Variants in TBC1D4 observed in about 807,000 individuals in gnomAD.
TBC1D4 encodes TBC (Tre-2, BUB2, CDC16) domain-containing protein.
In TBC1D4, 121 loss-of-function variants were observed where a neutral mutation model predicts 142.5. The observed-to-expected ratio is 0.85, with a 90% CI of 0.73 to 0.99. The LOEUF (loss-of-function observed/expected upper bound fraction) is 0.99. TBC1D4 is among the 50% of genes least tolerant of loss of function. The probability of loss-of-function intolerance (pLI) is 0.00; values close to 1 mark genes in which losing one functional copy is unlikely to be tolerated. For synonymous variants in TBC1D4, 630 were observed against 628.2 expected (o/e 1.00, Z -0.04); for missense variants, 1,475 against 1,606.6 (o/e 0.92, Z 1.40).
chr13:75,320,164 C>A, intron 11 of TBC1D4, 127 bp from the exon 12 acceptor site: 3 of 949,584 alleles, frequency 3.2e-6, no homozygotes, highest in South Asian at 1.5e-5. Context: ...TAATGAACCA[C>A]AATGAATAAT....
At chr13:75,477,215 C>T (rs1162842349) in intron 1 of TBC1D4, among the ~76,000 whole-genome samples, 4 of 152,168 alleles carry the variant, frequency 2.6e-5, no homozygotes, top group African/African-American at 9.7e-5. Context: ...GGTATTCTTA[C>T]TAGTATATTC....
intron 16 of TBC1D4, among the ~76,000 whole-genome samples, chr13:75,300,601 C>T (rs887890351): frequency 1.3e-5 from 2 of 152,084 alleles, no homozygotes; most frequent in African/African-American, 2.4e-5. Flanking sequence ...TGAAGAAACA[C>T]AGATGGCTAC....
At chr13:75,298,256 G>A (rs1876158551) in intron 17 of TBC1D4, among the ~76,000 whole-genome samples, 1 of 152,114 alleles carries the variant, frequency 6.6e-6, no homozygotes, top group South Asian at 2.1e-4. Flanking sequence ...TTTAACCACT[G>A]AAAGCTTTAA....
rs1384311209 is a variant in TBC1D4, at chr13:75,326,282, T to C, written c.1948A>G (p.Thr650Ala). 1 of 1,614,126 alleles carries C rather than the reference T, an allele frequency of 6.2e-7. No homozygotes were observed. The highest frequency in any genetic ancestry group is 8.5e-7 in the Non-Finnish European group (1 of 1,180,020). ...TCCTGCAAATTCAGCTTTCTCTTTG[T>C]GCTTGAAGGTGGGTGGCTGAACGTG... ...AHTFSHPPSS[T>A]KRKLNLQDGR... Residue 650 changes from threonine to alanine, a missense_variant, in exon 10 of 21, where the codon ACA becomes GCA. This residue lies in a region of TBC1D4 where 1,227 missense variants were observed against 1,267.7 expected (regional missense o/e 0.97). Coordinates refer to ENST00000377636, the MANE Select transcript of TBC1D4 (RefSeq NM_014832.5).
intron 1 of TBC1D4, among the ~76,000 whole-genome samples, chr13:75,385,840 G>A (rs1884136609): frequency 6.6e-6 from 1 of 152,118 alleles, no homozygotes; most frequent in Admixed American, 6.5e-5. Flanking sequence ...ATAAAATCAT[G>A]TTAACTGGAT....
chr13:75,356,274 A>G, intron 3 of TBC1D4, 23 bp from the exon 4 acceptor site: 1 of 1,488,772 alleles, frequency 6.7e-7, no homozygotes, highest in Non-Finnish European at 9.4e-7. Context: ...GAAGAAGTGC[A>G]ATAAAAATGT....
At chr13:75,309,527 T>G (rs1877526331) in intron 14 of TBC1D4, among the ~76,000 whole-genome samples, 1 of 152,166 alleles carries the variant, frequency 6.6e-6, no homozygotes, top group South Asian at 2.1e-4. Context: ...ATGAATGTAA[T>G]TAACCTGAAA....
chr13:75,363,730 T>G (rs74434766), intron 1 of TBC1D4, among the ~76,000 whole-genome samples: 9,109 of 152,282 alleles, frequency 0.06, 404 homozygotes, highest in African/African-American at 0.12. Context: ...ATCCTCAACC[T>G]TGGCAAAATA....
In TBC1D4 at chr13:75,362,957, C is replaced by T. The variant is rs1882657078; in HGVS notation, c.499-350G>A. 6.6e-6 allele frequency among the ~76,000 whole-genome samples: 1 copy of T among 152,110 alleles called. No individual in the cohort carries two copies. The highest frequency in any genetic ancestry group is 2.4e-5 in the African/African-American group (1 of 41,416). On this transcript the variant is annotated intron_variant, in intron 1 of 20. Coordinates refer to ENST00000377636, the MANE Select transcript of TBC1D4 (RefSeq NM_014832.5). The surrounding 1 kb of genome is among the most constrained non-coding windows in gnomAD (Gnocchi z 4.2). Reference sequence around the variant, plus strand: ...TATTTGTGCCTCAGCTGAAAGGAACCAAAGTTCCAACCATGAGGACAAAAT... The same window carrying T: ...TATTTGTGCCTCAGCTGAAAGGAACTAAAGTTCCAACCATGAGGACAAAAT...
In TBC1D4 at chr13:75,431,401, C is replaced by T. The variant is rs151237995; in HGVS notation, c.498+49869G>A. ...TCCCCTGTTCTAATCCCAATTATGT[C>T]GCTAAAGCTGTCAGGTGACCTTCAG... On this transcript the variant is annotated intron_variant, in intron 1 of 20. Transcript: ENST00000377636. Among the ~76,000 whole-genome samples the T allele has an allele frequency of 4.5e-4, 69 of 152,264 alleles. 1 individual carries two copies. In the Middle Eastern group the frequency reaches 0.014, roughly 30 times the overall value.
At chr13:75,465,200 G>A (rs552033244) in intron 1 of TBC1D4, among the ~76,000 whole-genome samples, 2 of 152,270 alleles carry the variant, frequency 1.3e-5, no homozygotes, top group East Asian at 3.9e-4. Flanking sequence ...TCGGATTCCA[G>A]AGTCCAGGAA....
At chr13:75,314,928 C>T (rs1362363833) in intron 12 of TBC1D4, among the ~76,000 whole-genome samples, 2 of 151,928 alleles carry the variant, frequency 1.3e-5, no homozygotes, top group Admixed American at 6.6e-5. Context: ...TGCAGTGAGC[C>T]GAGAATGCAC....
chr13:75,465,112 T>C (rs1426222842), intron 1 of TBC1D4, among the ~76,000 whole-genome samples: 1 of 152,120 alleles, frequency 6.6e-6, no homozygotes, highest in Non-Finnish European at 1.5e-5. Flanking sequence ...CCCCATATTA[T>C]AAATGAGGAC....
rs528457640 is a variant in TBC1D4 at position 75,382,229 on chromosome 13, T to A, written c.499-19622A>T. On this transcript the variant is annotated intron_variant, in intron 1 of 20. Transcript: ENST00000377636. ...AACATGCAGCCTCTCATTCCTCTTA[T>A]AAAGTTTTTCCCAAAAGGTTTAACC... 4.6e-5 allele frequency among the ~76,000 whole-genome samples: 7 copies of A among 152,354 alleles called. No individual in the cohort carries two copies. The South Asian group carries it at 1.5e-3, about 32-fold the overall frequency.
chr13:75,473,585 A>G (rs574737255), intron 1 of TBC1D4, among the ~76,000 whole-genome samples: 1 of 152,356 alleles, frequency 6.6e-6, no homozygotes, highest in Non-Finnish European at 1.5e-5. Flanking sequence ...TATCCACAAA[A>G]TAAAAACGCT....
chr13:75,458,115 G>T (rs565657905), intron 1 of TBC1D4, among the ~76,000 whole-genome samples: 1 of 152,234 alleles, frequency 6.6e-6, no homozygotes, highest in South Asian at 2.1e-4. Flanking sequence ...CCGGGTCCTT[G>T]TCTGGCATCC....
chr13:75,471,028 T>C (rs1888377610), intron 1 of TBC1D4, among the ~76,000 whole-genome samples: 1 of 151,860 alleles, frequency 6.6e-6, no homozygotes, highest in African/African-American at 2.4e-5. Context: ...GTGAAAATAC[T>C]GGAGAAATTA....
chr13:75,365,195 T>C (rs543960911), intron 1 of TBC1D4, among the ~76,000 whole-genome samples: 68 of 152,316 alleles, frequency 4.5e-4, no homozygotes, highest in African/African-American at 1.6e-3. Context: ...ATTTAATCTT[T>C]AATAATTTAA....
chr13:75,439,355 CT>C (rs1176033080), intron 1 of TBC1D4, among the ~76,000 whole-genome samples: 1 of 152,088 alleles, frequency 6.6e-6, no homozygotes, highest in East Asian at 1.9e-4. Context: ...AAATGTAATA[CT>C]TTATCATCTG....
Sources: allele counts gnomAD v4.1 joint callset (sites outside exome capture counted in the v4.1 genomes callset), GRCh38; gene constraint gnomAD v4.1.1; regional missense constraint gnomAD v4.1.1; non-coding constraint Gnocchi (gnomAD v3.1); transcripts MANE v1.5; gene names NCBI Gene and HGNC (gene_info 2026-07-23, HGNC 2026-07-21).